LIMK1: variants seen among roughly 807,000 people sequenced by gnomAD.
The protein encoded by LIMK1 is LIM motif-containing protein kinase.
Under a neutral mutation model 77.6 loss-of-function variants are expected in LIMK1, and 21 were observed. The ratio of observed to expected loss-of-function variants is 0.27; its 90% CI spans 0.19 to 0.39. The LOEUF is 0.39. Ranked by LOEUF, LIMK1 falls within the 10% of genes least tolerant of loss-of-function variation. The pLI, the probability that LIMK1 is intolerant of heterozygous loss-of-function variation, is 1.00. For synonymous variants in LIMK1, 358 were observed against 370.0 expected, an observed-to-expected ratio of 0.97 and a Z score of 0.37; for missense variants, 696 against 901.6, an observed-to-expected ratio of 0.77 and a Z score of 2.92.
At chr7:74,112,053 A>G (rs1194581649) in intron 12 of LIMK1, 55 bp downstream of exon 12, 1 of 1,399,292 alleles carries the variant, frequency 7.1e-7, no homozygotes, top group South Asian at 1.3e-5. Flanking sequence ...GAGCCCATCC[A>G]ACCCCAGCCT....
rs1283272408 is a variant in LIMK1, at chr7:74,122,332, C to T, written c.*1031C>T. The T allele has an allele frequency of 2.0e-5, 3 of 152,446 alleles. No individual in the cohort carries two copies. Among genetic ancestry groups the T allele is most frequent in the African/African-American group, 7.2e-5 (3 of 41,496 alleles). 9.4% of individuals were successfully genotyped at this position (152,446 alleles called of 1,614,324 possible). A position where few individuals can be genotyped will look rare whatever the true frequency, so the allele number is the denominator to read the frequency against. ...GGAGGGCCATTTTGTCACTTTGCCT[C>T]AGTTGAGCATCTAGGAAGTATTAAA... On this transcript the variant is annotated 3_prime_UTR_variant, in exon 16 of 16. Coordinates refer to ENST00000336180, the MANE Select transcript of LIMK1 (RefSeq NM_002314.4).
intron 13 of LIMK1, among the ~76,000 whole-genome samples, chr7:74,117,423 T>C (rs181209510): frequency 3.3e-5 from 5 of 152,180 alleles, no homozygotes; most frequent in South Asian, 2.1e-4. Context: ...CAGAGTCCGA[T>C]GGAAGGTGGG....
chr7:74,091,901 CA>C (rs782429683), intron 2 of LIMK1, among the ~76,000 whole-genome samples: 9 of 150,084 alleles, frequency 6.0e-5, no homozygotes, highest in East Asian at 5.9e-4. Flanking sequence ...AGTCAGTGGC[CA>C]GGGGTGCATA....
In LIMK1 at chr7:74,121,126, A is replaced by AC. The variant is rs1554700513; in HGVS notation, c.1782-11dup. 6.2e-7 allele frequency: 1 copy of AC among 1,610,120 alleles called. No individual in the cohort carries two copies. On this transcript the variant is annotated splice_polypyrimidine_tract_variant and intron_variant, in intron 15 of 15. Coordinates refer to ENST00000336180, the MANE Select transcript of LIMK1 (RefSeq NM_002314.4). ...CAGCCAGACCCACCGTTCCCCACCC[A>AC]CCTGTCACCCAGGCCATCCTTTGTG...
At chr7:74,108,114 G>T (rs1364432673) in intron 9 of LIMK1, among the ~76,000 whole-genome samples, 157 bp downstream of exon 9, 2 of 152,090 alleles carry the variant, frequency 1.3e-5, no homozygotes, top group African/African-American at 4.8e-5. Flanking sequence ...CACTTTGGGA[G>T]GTTAAGGAGA....
Position 74,109,018 on chromosome 7 carries a change from G to A in LIMK1, c.1266G>A (p.Arg422=), listed in dbSNP as rs1799642631. ...ITEYIKGGTL[R]GIIKSMDSQY... is the part of the protein sequence containing the mutation. ...AGTACATCAAGGGCGGCACGCTCCG[G>A]GGCATCATCAAGAGCATGGTGAGTC... Residue 422 remains arginine (R), a synonymous_variant, in exon 10 of 16, where the codon CGG becomes CGA. Coordinates refer to ENST00000336180, the MANE Select transcript of LIMK1 (RefSeq NM_002314.4). The A allele has an allele frequency of 6.2e-7, 1 of 1,613,700 alleles. No homozygotes were observed. The highest frequency in any genetic ancestry group is 8.5e-7 in the Non-Finnish European group (1 of 1,179,862).
At chr7:74,118,377 A>G (rs1462986601) in intron 13 of LIMK1, among the ~76,000 whole-genome samples, 2 of 130,046 alleles carry the variant, frequency 1.5e-5, no homozygotes, top group African/African-American at 6.0e-5. Flanking sequence ...CTCTGTGTCA[A>G]ACACACACAC....
In LIMK1 at chr7:74,107,060, C is replaced by A. The variant is rs782037598; in HGVS notation, c.932C>A (p.Pro311Gln). The change falls in exon 8 of 16, where the codon CCG (proline) becomes CAG (glutamine). Residue 311 changes from proline (P) to glutamine (Q), a missense_variant. This residue lies in a region of LIMK1 where 438 missense variants were observed against 602.3 expected (regional missense o/e 0.73). Coordinates refer to ENST00000336180, the MANE Select transcript of LIMK1 (RefSeq NM_002314.4). ...CCGGGCGCTGGCTCACTGGGCTCCC[C>A]GGCCTCCCAGCGCAAGGACCTGGGT... is the stretch of plus-strand genomic sequence containing the variant. ...RSPGAGSLGSPASQRKDLGRS... is the reference protein window; with the variant it reads ...RSPGAGSLGSQASQRKDLGRS... The A allele has an allele frequency of 6.2e-7, 1 of 1,604,928 alleles. No homozygotes were observed. Among genetic ancestry groups the A allele is most frequent in the Non-Finnish European group, 8.5e-7 (1 of 1,176,950 alleles).
At chr7:74,105,192 A>G (rs1211826442) in intron 5 of LIMK1, among the ~76,000 whole-genome samples, 24 of 152,116 alleles carry the variant, frequency 1.6e-4, no homozygotes, top group South Asian at 2.1e-4. Flanking sequence ...GACTTCAAGT[A>G]ATCCATCCAC....
At chr7:74,093,624 C>T (rs1799280149) in intron 2 of LIMK1, among the ~76,000 whole-genome samples, 1 of 152,202 alleles carries the variant, frequency 6.6e-6, no homozygotes, top group East Asian at 1.9e-4. Flanking sequence ...ACCTGGGCTG[C>T]AGAGCACCCC....
Position 74,108,944 on chromosome 7 carries a change from A to G in LIMK1, c.1192A>G (p.Lys398Glu). 6.2e-7 allele frequency: 1 copy of G among 1,614,044 alleles called. No homozygotes were observed. The highest frequency in any genetic ancestry group is 8.5e-7 in the Non-Finnish European group (1 of 1,179,956). Residue 398 changes from lysine to glutamate, a missense_variant, in exon 10 of 16, where the codon AAG (lysine) becomes GAG (glutamate). Lys to Glu is a moderately conservative substitution (Grantham distance 56). Coordinates refer to ENST00000336180, the MANE Select transcript of LIMK1 (RefSeq NM_002314.4). ...MRCLEHPNVL[K>E]FIGVLYKDKR... Reference sequence around the variant, plus strand: ...ATGCCTGGAACACCCCAACGTGCTCAAGTTCATCGGGGTGCTCTACAAGGA... The same window carrying G: ...ATGCCTGGAACACCCCAACGTGCTCGAGTTCATCGGGGTGCTCTACAAGGA...
chr7:74,102,925 A>G (rs1346436103), intron 5 of LIMK1, among the ~76,000 whole-genome samples: 4 of 151,314 alleles, frequency 2.6e-5, no homozygotes, highest in African/African-American at 4.9e-5. Context: ...TTGGAGCGCA[A>G]TGGCGCAATC....
rs1229097225 is a variant in LIMK1, at chr7:74,121,059, G to A, written c.1781+10G>A. ...TGGACCCCGAGAAGAGGTGAGTGGG[G>A]TGGGGCCCTGGCCTGGGAGACGGTG... On this transcript the variant is annotated intron_variant, in intron 15 of 15. Transcript: ENST00000336180. 19 of 1,594,568 alleles carry A rather than the reference G, an allele frequency of 1.2e-5. No individual in the cohort carries two copies. The highest frequency in any genetic ancestry group is 3.4e-5 in the Admixed American group (2 of 58,634).
At chr7:74,093,130 C>T (rs1384547785) in intron 2 of LIMK1, 10 of 1,449,306 alleles carry the variant, frequency 6.9e-6, no homozygotes, top group East Asian at 2.5e-5. Flanking sequence ...GCTGCAGCCA[C>T]GCTGGCCCCA....
intron 2 of LIMK1, among the ~76,000 whole-genome samples, chr7:74,087,055 C>T (rs1411670364): frequency 6.6e-6 from 1 of 152,110 alleles, no homozygotes; most frequent in Non-Finnish European, 1.5e-5. Context: ...CTGCCTTGAG[C>T]CAGAGCAGGG....
intron 5 of LIMK1, among the ~76,000 whole-genome samples, chr7:74,104,367 T>G (rs2115695713): frequency 6.6e-6 from 1 of 152,128 alleles, no homozygotes; most frequent in Middle Eastern, 3.4e-3. Flanking sequence ...AGCTCACGCC[T>G]ATAATCCCAG....
intron 5 of LIMK1, among the ~76,000 whole-genome samples, chr7:74,101,654 T>G (rs1270959035): frequency 6.6e-6 from 1 of 152,178 alleles, no homozygotes; most frequent in Non-Finnish European, 1.5e-5. Flanking sequence ...AAAGATTTAC[T>G]TATTTGTTTT....
chr7:74,085,196 G>C (rs810539), intron 1 of LIMK1, among the ~76,000 whole-genome samples: 133,640 of 152,002 alleles, frequency 0.88, 59,948 homozygotes, highest in Non-Finnish European at 0.96. Context: ...GAGTACCCAG[G>C]TCTGCAGCCC....
intron 5 of LIMK1, among the ~76,000 whole-genome samples, chr7:74,102,351 T>A (rs1231816452): frequency 2.6e-5 from 4 of 152,076 alleles, no homozygotes; most frequent in African/African-American, 9.7e-5. Context: ...CAGATACATA[T>A]ACATGTTTAG....
Sources: gnomAD v4.1 joint callset for allele counts (sites outside exome capture counted in the v4.1 genomes callset) on GRCh38, gnomAD v4.1.1 for gene constraint, gnomAD v4.1.1 regional missense constraint, MANE v1.5 for transcripts, NCBI Gene and HGNC (gene_info 2026-07-23, HGNC 2026-07-21) for gene names.